MOXD1: variants seen among roughly 807,000 people sequenced by gnomAD.
MOXD1 encodes the protein DBH-like monooxygenase protein 1.
A neutral mutation model predicts 66.6 loss-of-function variants in MOXD1; 62 were observed. The ratio of observed to expected loss-of-function variants is 0.93; its 90% CI spans 0.76 to 1.15. The LOEUF (loss-of-function observed/expected upper bound fraction) is 1.15, where lower values mean the gene tolerates loss of function less well. Ranked by LOEUF, MOXD1 falls within the 50% of genes most tolerant of loss-of-function variation. The probability of loss-of-function intolerance (pLI) is 0.00; values close to 1 mark genes in which losing one functional copy is unlikely to be tolerated. For missense variants in MOXD1, 847 were observed against 754.6 expected (o/e 1.12, Z -1.44); for synonymous variants, 303 against 281.9 (o/e 1.07, Z -0.75).
chr6:132,324,453 C>G (rs995002887), intron 6 of MOXD1, among the ~76,000 whole-genome samples: 8 of 152,076 alleles, frequency 5.3e-5, no homozygotes, highest in Non-Finnish European at 5.9e-5. Flanking sequence ...GAATAAATAA[C>G]TTAATAAAAC....
At chr6:132,382,522 T>C (rs1582606388) in intron 1 of MOXD1, among the ~76,000 whole-genome samples, 1 of 152,154 alleles carries the variant, frequency 6.6e-6, no homozygotes, top group South Asian at 2.1e-4. Context: ...ATTGATTATG[T>C]ATTTAGCTTG....
At chr6:132,313,509 G>A (rs992149228) in intron 10 of MOXD1, among the ~76,000 whole-genome samples, 2 of 152,078 alleles carry the variant, frequency 1.3e-5, no homozygotes, top group South Asian at 2.1e-4. Context: ...TTATAATCCT[G>A]TAATATTTAG....
chr6:132,297,351 A>C, intron 11 of MOXD1, 34 bp from the exon 12 acceptor site: 1 of 1,605,256 alleles, frequency 6.2e-7, no homozygotes. Context: ...GCAAATGAAC[A>C]TCTGATTTAA....
chr6:132,370,715 C>T (rs549016012), intron 4 of MOXD1, among the ~76,000 whole-genome samples: 2 of 152,144 alleles, frequency 1.3e-5, no homozygotes, highest in East Asian at 3.9e-4. Flanking sequence ...AGAAGACCTC[C>T]AAACATTGCA....
At chr6:132,309,491 G>A (rs1405754833) in intron 10 of MOXD1, among the ~76,000 whole-genome samples, 7 of 152,104 alleles carry the variant, frequency 4.6e-5, no homozygotes, top group Non-Finnish European at 8.8e-5. Context: ...AACTACCATT[G>A]ACATTCTTTA....
rs560993661 is a variant in MOXD1 at position 132,342,429 on chromosome 6, T to C, written c.664-13835A>G. On this transcript the variant is annotated intron_variant, in intron 4 of 11. Coordinates refer to ENST00000367963, the MANE Select transcript of MOXD1 (RefSeq NM_015529.4). ...TCACATATGTAACTTTTTTACTGAA[T>C]GCAATTATTTCATATGCAAATTTTT... 4.3e-4 allele frequency among the ~76,000 whole-genome samples: 65 copies of C among 152,396 alleles called. No homozygotes were observed. In the Middle Eastern group the frequency reaches 0.01, roughly 24 times the overall value.
chr6:132,297,671 A>G (rs896865893), intron 11 of MOXD1, 116 bp downstream of exon 11: 49 of 1,252,542 alleles, frequency 3.9e-5, no homozygotes, highest in Admixed American at 5.2e-5. Context: ...ATTATCAGAC[A>G]TTAGAAGGCA....
chr6:132,317,348 G>C (rs636124), intron 9 of MOXD1, among the ~76,000 whole-genome samples: 78,328 of 151,982 alleles, frequency 0.52, 23,865 homozygotes, highest in African/African-American at 0.85. Flanking sequence ...AGATGCTGAT[G>C]TGCAAATGAA....
rs1329239147 is a variant in MOXD1, at chr6:132,376,132, G to A, written c.265-1355C>T. ...AATTTGCCTTAATTACTGCCTTTCTGGTTTTTCAGTACCTGATGATATTTT... is the reference window on the plus strand; with the variant it reads ...AATTTGCCTTAATTACTGCCTTTCTAGTTTTTCAGTACCTGATGATATTTT... On this transcript the variant is annotated intron_variant, in intron 1 of 11. Coordinates refer to ENST00000367963, the MANE Select transcript of MOXD1 (RefSeq NM_015529.4). Among the ~76,000 whole-genome samples the A allele has an allele frequency of 3.3e-5, 5 of 152,154 alleles. No individual in the cohort carries two copies. In the East Asian group the frequency reaches 9.7e-4, roughly 29 times the overall value.
At chr6:132,352,188 G>T (rs1406342279) in intron 4 of MOXD1, among the ~76,000 whole-genome samples, 3 of 151,974 alleles carry the variant, frequency 2.0e-5, no homozygotes, top group Non-Finnish European at 4.4e-5. Context: ...GGTTTAGTTT[G>T]TTCTTGTTTC....
chr6:132,340,362 C>T (rs781593759), intron 4 of MOXD1, among the ~76,000 whole-genome samples: 14 of 151,698 alleles, frequency 9.2e-5, no homozygotes, highest in South Asian at 2.1e-4. Context: ...GCAACGAAGG[C>T]TGAGGTGACT....
intron 9 of MOXD1, among the ~76,000 whole-genome samples, chr6:132,320,369 TAA>T (rs1775052504): frequency 6.6e-6 from 1 of 152,150 alleles, no homozygotes; most frequent in South Asian, 2.1e-4. Context: ...TGAGAAAAAT[TAA>T]AAGACTAAGG....
intron 4 of MOXD1, among the ~76,000 whole-genome samples, chr6:132,354,564 G>A (rs1026911322): frequency 6.6e-6 from 1 of 152,212 alleles, no homozygotes; most frequent in Non-Finnish European, 1.5e-5. Context: ...GTGGCAGGGA[G>A]ATGAAATGGG....
At chr6:132,400,643 G>T (rs908432672) in intron 1 of MOXD1, among the ~76,000 whole-genome samples, 1 of 152,048 alleles carries the variant, frequency 6.6e-6, no homozygotes, top group Non-Finnish European at 1.5e-5. Context: ...ATTCTTAGGG[G>T]CCCTTCATTC....
intron 4 of MOXD1, among the ~76,000 whole-genome samples, chr6:132,341,720 T>C (rs1775567432): frequency 6.6e-6 from 1 of 152,250 alleles, no homozygotes; most frequent in Non-Finnish European, 1.5e-5. Context: ...TCGTGCTGTT[T>C]TCCCCATCCA....
chr6:132,369,403 A>G (rs1014579806), intron 4 of MOXD1, among the ~76,000 whole-genome samples: 6 of 152,044 alleles, frequency 3.9e-5, no homozygotes, highest in African/African-American at 1.4e-4. Context: ...AATTGGCATG[A>G]ATTTCTTTTT....
chr6:132,371,961 G>A (rs1582599872), intron 4 of MOXD1, among the ~76,000 whole-genome samples: 1 of 152,120 alleles, frequency 6.6e-6, no homozygotes, highest in East Asian at 1.9e-4. Context: ...TTTGGCCTCT[G>A]TGGAATTAAC....
chr6:132,336,881 T>C (rs762593320), intron 4 of MOXD1, among the ~76,000 whole-genome samples: 2 of 152,162 alleles, frequency 1.3e-5, no homozygotes, highest in Non-Finnish European at 2.9e-5. Flanking sequence ...ATTGGTAAGT[T>C]CAGGGAAGGG....
At chr6:132,307,806 T>G (rs1774728471) in intron 10 of MOXD1, among the ~76,000 whole-genome samples, 1 of 152,082 alleles carries the variant, frequency 6.6e-6, no homozygotes, top group African/African-American at 2.4e-5. Flanking sequence ...GAAATCAAGT[T>G]CTTTGAAACC....
Sources: allele counts gnomAD v4.1 joint callset (sites outside exome capture counted in the v4.1 genomes callset), GRCh38; gene constraint gnomAD v4.1.1; transcripts MANE v1.5; gene names NCBI Gene and HGNC (gene_info 2026-07-23, HGNC 2026-07-21).